NLGN1: variants seen among roughly 807,000 people sequenced by gnomAD.
The protein encoded by NLGN1 is neuroligin 1, also known as neuroligin-1.
A neutral mutation model predicts 65.5 loss-of-function variants in NLGN1; 12 were observed. The observed-to-expected ratio is 0.18, with a 90% CI of 0.12 to 0.30. The LOEUF is 0.30. Ranked by LOEUF, NLGN1 falls within the 10% of genes least tolerant of loss-of-function variation. NLGN1 has a pLI of 1.00. For synonymous variants in NLGN1, 350 were observed against 359.5 expected (o/e 0.97, Z 0.30); for missense variants, 750 against 1,007.1 (o/e 0.74, Z 3.46).
At position 173,823,163 on chromosome 3, in the gene NLGN1, T is replaced by C. The variant is rs567631838; in HGVS notation, c.646+15331T>C. Among the ~76,000 whole-genome samples the C allele has an allele frequency of 2.0e-5, 3 of 152,164 alleles. No individual in the cohort carries two copies. The South Asian group carries it at 6.2e-4, about 32-fold the overall frequency. ...TTCTATAGATTAAAAATTGGTCTAT[T>C]AGTCTAAACTTGAATCTGTCATAAG... On this transcript the variant is annotated intron_variant, in intron 4 of 6. Coordinates refer to ENST00000457714, the Ensembl canonical transcript of NLGN1.
chr3:174,002,395 C>T (rs114406623), intron 4 of NLGN1, among the ~76,000 whole-genome samples: 1,576 of 152,154 alleles, frequency 0.01, 16 homozygotes, highest in Non-Finnish European at 0.014. Flanking sequence ...CCCAAACTGC[C>T]GGGATTATAG....
intron 2 of NLGN1, among the ~76,000 whole-genome samples, chr3:173,473,694 C>T (rs73038148): frequency 0.031 from 4,675 of 152,172 alleles, 230 homozygotes; most frequent in African/African-American, 0.11. Context: ...TAAAACAATA[C>T]GTTATTTTTT....
chr3:173,787,703 A>G (rs1470004854), intron 3 of NLGN1, among the ~76,000 whole-genome samples: 1 of 152,222 alleles, frequency 6.6e-6, no homozygotes, highest in African/African-American at 2.4e-5. Flanking sequence ...TTAAGATGGC[A>G]TGTTTACATT....
intron 4 of NLGN1, among the ~76,000 whole-genome samples, chr3:174,117,554 G>C (rs922967438): frequency 1.3e-5 from 2 of 151,852 alleles, no homozygotes; most frequent in African/African-American, 4.8e-5. Context: ...CCGGGAGGCG[G>C]AGTTGGCAGT....
intron 4 of NLGN1, among the ~76,000 whole-genome samples, chr3:174,015,368 C>G (rs986280859): frequency 5.3e-5 from 8 of 152,156 alleles, no homozygotes; most frequent in African/African-American, 1.4e-4. Context: ...GGTGAGGCCT[C>G]TCTTTCCGGC....
intron 1 of NLGN1, among the ~76,000 whole-genome samples, chr3:173,426,710 C>T (rs1716178208): frequency 6.6e-6 from 1 of 151,874 alleles, no homozygotes; most frequent in South Asian, 2.1e-4. Flanking sequence ...TTTTGATATG[C>T]TGTTGGATTC....
At chr3:173,917,887 T>G (rs2152249620) in intron 4 of NLGN1, among the ~76,000 whole-genome samples, 1 of 139,216 alleles carries the variant, frequency 7.2e-6, no homozygotes, top group East Asian at 2.0e-4. Context: ...TTATCTGGAT[T>G]TATTGTTGAT....
chr3:174,280,557 A>G lies in NLGN1; in HGVS notation c.1726A>G (p.Thr576Ala), dbSNP rs540498943. ...CAACCGTTTTGAAGAAGTAGCATGG[A>G]CCAGATATTCCCAGAAAGACCAACT... The change falls in exon 7 of 7, where the codon ACC becomes GCC. Residue 576 changes from threonine (T) to alanine (A), a missense_variant. Transcript: ENST00000457714. This position sits in a 1 kb window ranked among gnomAD's most constrained non-coding sequence, Gnocchi z 4.9. The G allele has an allele frequency of 2.5e-6, 4 of 1,613,182 alleles. No individual in the cohort carries two copies. In the South Asian group the frequency reaches 3.3e-5, roughly 13 times the overall value.
chr3:174,001,745 T>G (rs1482082754), intron 4 of NLGN1, among the ~76,000 whole-genome samples: 1 of 152,102 alleles, frequency 6.6e-6, no homozygotes, highest in African/African-American at 2.4e-5. Flanking sequence ...CATTGGTTAA[T>G]ATGATGATGG....
At chr3:173,879,929 T>G (rs2150919633) in intron 4 of NLGN1, among the ~76,000 whole-genome samples, 1 of 152,320 alleles carries the variant, frequency 6.6e-6, no homozygotes, top group East Asian at 1.9e-4. Flanking sequence ...TAAAATACTT[T>G]GAGCATCAGA....
In NLGN1 at chr3:174,237,697, C is replaced by A. The variant is rs572632294; in HGVS notation, c.647-37618C>A. On this transcript the variant is annotated intron_variant, in intron 4 of 6. Transcript: ENST00000457714. ...TCAGTCTCCCAAGTAGCTAGAATTACAGGCACCCACCATAATGTGTGGCTA... is the reference window on the plus strand; with the variant it reads ...TCAGTCTCCCAAGTAGCTAGAATTAAAGGCACCCACCATAATGTGTGGCTA... Among the ~76,000 whole-genome samples the A allele has an allele frequency of 3.5e-3, 536 of 152,264 alleles. 3 individuals carry two copies. Among genetic ancestry groups the A allele is most frequent in the Non-Finnish European group, 4.9e-3 (331 of 68,024 alleles).
rs768921018 is a variant in NLGN1 at position 173,776,983 on chromosome 3, T to C, written c.494-30697T>C. 1.1e-4 allele frequency among the ~76,000 whole-genome samples: 17 copies of C among 151,836 alleles called. 1 individual carries two copies. The highest frequency in any genetic ancestry group is 2.2e-4 in the Non-Finnish European group (15 of 67,806). ...GACTGTGTATACCACACAGACAAAA[T>C]GGAATAACTATATAACTTGGGAAAG... On this transcript the variant is annotated intron_variant, in intron 3 of 6. Coordinates refer to ENST00000457714, the Ensembl canonical transcript of NLGN1.
chr3:174,285,976 G>A (rs969314392), exon 7 of NLGN1: 4 of 151,262 alleles, frequency 2.6e-5, no homozygotes, highest in Non-Finnish European at 5.9e-5. Context: ...TTTTGAAAGT[G>A]ACAATTATAT....
chr3:174,249,186 T>C (rs974519712), intron 4 of NLGN1, among the ~76,000 whole-genome samples: 3 of 152,220 alleles, frequency 2.0e-5, no homozygotes, highest in Non-Finnish European at 4.4e-5. Flanking sequence ...CCATCTTTTC[T>C]ATGATGTCAC....
chr3:173,434,080 A>G (rs1483841890), intron 1 of NLGN1, among the ~76,000 whole-genome samples: 1 of 152,186 alleles, frequency 6.6e-6, no homozygotes, highest in African/African-American at 2.4e-5. Flanking sequence ...TCAGAATTCT[A>G]GAATCGACTT....
At chr3:174,096,126 T>C (rs1745478031) in intron 4 of NLGN1, among the ~76,000 whole-genome samples, 1 of 151,560 alleles carries the variant, frequency 6.6e-6, no homozygotes, top group Non-Finnish European at 1.5e-5. Context: ...ATAACATTTT[T>C]AATGGACACA....
intron 4 of NLGN1, among the ~76,000 whole-genome samples, chr3:174,055,858 C>A (rs1183933326): frequency 1.3e-5 from 2 of 151,794 alleles, no homozygotes; most frequent in African/African-American, 4.8e-5. Flanking sequence ...TACAAGTTTA[C>A]AACATTCTTA....
chr3:173,827,190 A>G (rs1331571413), intron 4 of NLGN1, among the ~76,000 whole-genome samples: 1 of 152,100 alleles, frequency 6.6e-6, no homozygotes, highest in African/African-American at 2.4e-5. Flanking sequence ...ACTTTAGAAG[A>G]CAGGCCAGTG....
chr3:173,977,113 A>ACACACACACG (rs1182147235), intron 4 of NLGN1, among the ~76,000 whole-genome samples: 1 of 148,636 alleles, frequency 6.7e-6, no homozygotes, highest in Non-Finnish European at 1.5e-5. Context: ...ACACGCACAC[A>ACACACACACG]CACACACACG....
Sources: allele counts gnomAD v4.1 joint callset (sites outside exome capture counted in the v4.1 genomes callset), GRCh38; gene constraint gnomAD v4.1.1; non-coding constraint Gnocchi (gnomAD v3.1); transcripts MANE v1.5; gene names NCBI Gene and HGNC (gene_info 2026-07-23, HGNC 2026-07-21).